SPAG16: variants seen among roughly 807,000 people sequenced by gnomAD.
SPAG16 encodes the protein sperm-associated antigen 16 protein.
Under a neutral mutation model 80.4 loss-of-function variants are expected in SPAG16, and 86 were observed. That is an observed-to-expected ratio of 1.07 (90% CI 0.90 to 1.28). The LOEUF is 1.28. Ranked by LOEUF, SPAG16 falls within the 50% of genes most tolerant of loss-of-function variation. The pLI, the probability that SPAG16 is intolerant of heterozygous loss-of-function variation, is 0.00. For synonymous variants in SPAG16, 294 were observed against 265.9 expected, an observed-to-expected ratio of 1.11 and a Z score of -1.03; for missense variants, 870 against 765.3, an observed-to-expected ratio of 1.14 and a Z score of -1.61.
intron 10 of SPAG16, among the ~76,000 whole-genome samples, chr2:213,821,624 G>A (rs549321928): frequency 1.3e-5 from 2 of 152,196 alleles, no homozygotes; most frequent in African/African-American, 2.4e-5. Context: ...TAGTCACCAT[G>A]TTGTGTTATC....
At chr2:213,909,002 T>C (rs1436378638) in intron 11 of SPAG16, among the ~76,000 whole-genome samples, 1 of 150,890 alleles carries the variant, frequency 6.6e-6, no homozygotes, top group East Asian at 2.0e-4. Flanking sequence ...TCAATTCCCA[T>C]CTATGAGTGA....
At chr2:214,369,287 G>T (rs1294436988) in intron 15 of SPAG16, among the ~76,000 whole-genome samples, 1 of 152,052 alleles carries the variant, frequency 6.6e-6, no homozygotes, top group Non-Finnish European at 1.5e-5. Context: ...TGTATATGAA[G>T]AAAAAGAAGA....
chr2:214,300,781 A>G (rs76136600), intron 15 of SPAG16, among the ~76,000 whole-genome samples: 71 of 152,124 alleles, frequency 4.7e-4, no homozygotes, highest in African/African-American at 1.6e-3. Context: ...ATCTTCCAAG[A>G]AAAAGAAAGG....
chr2:214,325,203 T>C (rs1315480517), intron 15 of SPAG16, among the ~76,000 whole-genome samples: 4 of 152,190 alleles, frequency 2.6e-5, no homozygotes, highest in Non-Finnish European at 4.4e-5. Context: ...GGATCTGAAT[T>C]ATTTCTCAAA....
Position 213,596,294 on chromosome 2 carries a change from T to A in SPAG16, c.1070+106204T>A, listed in dbSNP as rs139843811. Among the ~76,000 whole-genome samples the A allele has an allele frequency of 4.3e-3, 653 of 152,286 alleles. 4 individuals carry two copies. The highest frequency in any genetic ancestry group is 0.014 in the African/African-American group (602 of 41,580). Reference sequence around the variant, plus strand: ...TGAAAAAATATGTAATATCCTTGTCTTTCTCATGAAATATGATGTATTTTA... The same window carrying A: ...TGAAAAAATATGTAATATCCTTGTCATTCTCATGAAATATGATGTATTTTA... On this transcript the variant is annotated intron_variant, in intron 10 of 15. Coordinates refer to ENST00000331683, the MANE Select transcript of SPAG16 (RefSeq NM_024532.5).
At chr2:213,452,459 A>G (rs573033218) in intron 9 of SPAG16, among the ~76,000 whole-genome samples, 2 of 152,220 alleles carry the variant, frequency 1.3e-5, no homozygotes, top group East Asian at 3.9e-4. Flanking sequence ...CAACTCTCTA[A>G]TATATTATAT....
At chr2:214,194,042 T>C (rs775431529) in intron 15 of SPAG16, among the ~76,000 whole-genome samples, 158 of 152,230 alleles carry the variant, frequency 1.0e-3, no homozygotes, top group Non-Finnish European at 2.1e-3. Flanking sequence ...AATACTCAAC[T>C]ATTATAGTCA....
intron 10 of SPAG16, among the ~76,000 whole-genome samples, chr2:213,742,195 A>AT (rs375643212): frequency 3.3e-5 from 5 of 151,354 alleles, no homozygotes; most frequent in Non-Finnish European, 1.5e-5. Flanking sequence ...TTTCAATTAA[A>AT]TTTTTTCCCT....
At chr2:213,447,757 A>G (rs1449170379) in intron 9 of SPAG16, among the ~76,000 whole-genome samples, 1 of 152,222 alleles carries the variant, frequency 6.6e-6, no homozygotes, top group Non-Finnish European at 1.5e-5. Context: ...TGGACGAATA[A>G]TCAAACTGTC....
chr2:214,329,551 C>G (rs1263441610), intron 15 of SPAG16, among the ~76,000 whole-genome samples: 1 of 152,112 alleles, frequency 6.6e-6, no homozygotes, highest in Non-Finnish European at 1.5e-5. Flanking sequence ...CTTAAATCTG[C>G]TCAGATTTGG....
chr2:213,341,699 A>AT (rs1254600822), intron 6 of SPAG16, among the ~76,000 whole-genome samples: 1 of 151,774 alleles, frequency 6.6e-6, no homozygotes, highest in Non-Finnish European at 1.5e-5. Flanking sequence ...ACCCAGCTAA[A>AT]TTTTTTTGTT....
intron 15 of SPAG16, among the ~76,000 whole-genome samples, chr2:214,382,215 T>C (rs931486042): frequency 4.6e-5 from 7 of 152,192 alleles, no homozygotes; most frequent in Non-Finnish European, 8.8e-5. Context: ...AGAAATCTGA[T>C]TAATGAGAAA....
At chr2:214,189,791 A>G (rs955816044) in intron 15 of SPAG16, among the ~76,000 whole-genome samples, 5 of 151,996 alleles carry the variant, frequency 3.3e-5, no homozygotes, top group Non-Finnish European at 5.9e-5. Context: ...TTTATTTGTA[A>G]ATTAATTTAT....
intron 9 of SPAG16, among the ~76,000 whole-genome samples, chr2:213,388,223 C>T (rs530804290): frequency 2.3e-4 from 35 of 152,328 alleles, no homozygotes; most frequent in African/African-American, 8.2e-4. Flanking sequence ...TATCAGGGAT[C>T]TGTGCTCTTA....
intron 13 of SPAG16, among the ~76,000 whole-genome samples, chr2:214,100,460 T>G (rs1377544808): frequency 2.6e-5 from 4 of 152,134 alleles, no homozygotes; most frequent in Non-Finnish European, 5.9e-5. Context: ...AGGGATTTGG[T>G]GTACAGATTA....
intron 11 of SPAG16, among the ~76,000 whole-genome samples, chr2:213,910,137 T>G (rs2077601167): frequency 6.6e-6 from 1 of 152,222 alleles, no homozygotes; most frequent in African/African-American, 2.4e-5. Context: ...AATACATACA[T>G]ATTCTATGGT....
At chr2:213,972,643 C>T (rs2045136305) in intron 12 of SPAG16, among the ~76,000 whole-genome samples, 2 of 152,152 alleles carry the variant, frequency 1.3e-5, no homozygotes, top group African/African-American at 2.4e-5. Flanking sequence ...CACAGATGCA[C>T]CCAGAAATAA....
chr2:213,439,586 G>T (rs80170438), intron 9 of SPAG16, among the ~76,000 whole-genome samples: 7,226 of 152,242 alleles, frequency 0.047, 250 homozygotes, highest in Middle Eastern at 0.11. Flanking sequence ...GGTGTGGTCT[G>T]TTTTCTTCTT....
chr2:213,830,503 GTAGT>G (rs1274609842), intron 10 of SPAG16, among the ~76,000 whole-genome samples: 2 of 152,108 alleles, frequency 1.3e-5, no homozygotes, highest in Non-Finnish European at 2.9e-5. Context: ...GTTTTTTTGT[GTAGT>G]TAGTTGTTAA....
Sources: gnomAD v4.1 joint callset for allele counts (sites outside exome capture counted in the v4.1 genomes callset) on GRCh38, gnomAD v4.1.1 for gene constraint, MANE v1.5 for transcripts, NCBI Gene and HGNC (gene_info 2026-07-23, HGNC 2026-07-21) for gene names.